The following CDH12 variants were observed in gnomAD, a reference collection of about 807,000 sequenced individuals.
CDH12 encodes the protein cadherin-12.
CDH12 carries 41 observed loss-of-function variants against 74.1 expected under a neutral mutation model. The observed-to-expected ratio is 0.55, with a 90% CI of 0.43 to 0.72. The LOEUF (loss-of-function observed/expected upper bound fraction) is 0.72, where lower values mean the gene tolerates loss of function less well. CDH12 is among the 30% of genes least tolerant of loss of function. CDH12 has a pLI of 0.00. For synonymous variants in CDH12, 399 were observed against 355.0 expected (o/e 1.12, Z -1.39); for missense variants, 945 against 977.2 (o/e 0.97, Z 0.44).
intron 4 of CDH12, chr5:22,172,231 A>G (rs1749072812): frequency 6.6e-6 from 1 of 151,920 alleles, no homozygotes; most frequent in Non-Finnish European, 1.5e-5. Flanking sequence ...CATCTCTCCA[A>G]ACAAGACATC....
intron 2 of CDH12, among the ~76,000 whole-genome samples, chr5:22,499,954 T>C (rs956008501): frequency 2.6e-5 from 4 of 152,182 alleles, no homozygotes; most frequent in Non-Finnish European, 4.4e-5. Context: ...GATATTTATA[T>C]TAAACTGCAG....
In CDH12 at chr5:22,653,636, T is replaced by C. The variant is rs1228068552; in HGVS notation, c.-522-148272A>G. 2.0e-5 allele frequency among the ~76,000 whole-genome samples: 3 copies of C among 152,158 alleles called. No individual in the cohort carries two copies. The East Asian group carries it at 5.8e-4, about 29-fold the overall frequency. On this transcript the variant is annotated intron_variant, in intron 1 of 14. Transcript: ENST00000382254. ...CCCCTGGGGTACAGCAATAGTCTCC[T>C]AACATAGCGGCCCACTGGTAATGCA... is the stretch of plus-strand genomic sequence containing the variant.
At chr5:22,299,508 G>C (rs1186862476) in intron 3 of CDH12, among the ~76,000 whole-genome samples, 3 of 152,156 alleles carry the variant, frequency 2.0e-5, no homozygotes, top group Non-Finnish European at 2.9e-5. Flanking sequence ...GAAGTAGCAT[G>C]GTGTAGTGCA....
intron 2 of CDH12, among the ~76,000 whole-genome samples, chr5:22,462,511 T>C (rs921062661): frequency 1.2e-4 from 19 of 152,150 alleles, no homozygotes; most frequent in Non-Finnish European, 2.6e-4. Flanking sequence ...TCAAACTAAC[T>C]ACCTGGGTGG....
intron 1 of CDH12, among the ~76,000 whole-genome samples, chr5:22,672,104 ATTATATATAAATATATATTATT>A (rs1209226270): frequency 4.9e-5 from 3 of 61,422 alleles, no homozygotes. Flanking sequence ...ATAATATATT[ATTATATATAAATATATATTATT>A]TTATATATAA....
chr5:22,223,667 G>A (rs997104471), intron 3 of CDH12, among the ~76,000 whole-genome samples: 3 of 151,962 alleles, frequency 2.0e-5, no homozygotes, highest in African/African-American at 4.8e-5. Context: ...GCCCACCTAA[G>A]CCTCCATGCA....
At position 22,173,125 on chromosome 5, in the gene CDH12, C is replaced by T. The variant is rs935036972; in HGVS notation, c.-187+39373G>A. ...TCCGTAATACATCATTTACATTTTG[C>T]TTTATTGATTTTCATTTAGCATAAT... On this transcript the variant is annotated intron_variant, in intron 4 of 14. Coordinates refer to ENST00000382254, the MANE Select transcript of CDH12 (RefSeq NM_004061.5). 3.1e-4 allele frequency among the ~76,000 whole-genome samples: 47 copies of T among 151,006 alleles called. 1 individual carries two copies. Among genetic ancestry groups the T allele is most frequent in the Non-Finnish European group, 6.1e-4 (41 of 67,620 alleles).
chr5:22,706,104 A>G (rs1742995155), intron 1 of CDH12, among the ~76,000 whole-genome samples: 1 of 152,110 alleles, frequency 6.6e-6, no homozygotes, highest in Admixed American at 6.6e-5. Flanking sequence ...AGAAGAAATC[A>G]CTTTACAGAT....
At chr5:22,349,534 C>T (rs1740266085) in intron 3 of CDH12, among the ~76,000 whole-genome samples, 1 of 152,104 alleles carries the variant, frequency 6.6e-6, no homozygotes, top group Admixed American at 6.5e-5. Context: ...CCCTCTTTCC[C>T]AATTCGGAAT....
chr5:22,316,801 T>G (rs1738651351), intron 3 of CDH12, among the ~76,000 whole-genome samples: 1 of 152,156 alleles, frequency 6.6e-6, no homozygotes, highest in Non-Finnish European at 1.5e-5. Context: ...TAATGATATA[T>G]ATTTATATTC....
chr5:21,887,041 T>C (rs190237348), intron 6 of CDH12, among the ~76,000 whole-genome samples: 22 of 152,296 alleles, frequency 1.4e-4, no homozygotes, highest in Admixed American at 9.2e-4. Context: ...ATTTTATCAA[T>C]ATCCATATTT....
intron 4 of CDH12, among the ~76,000 whole-genome samples, chr5:22,174,280 C>A (rs1264298245): frequency 1.3e-5 from 2 of 151,936 alleles, no homozygotes; most frequent in South Asian, 4.1e-4. Flanking sequence ...GTACCTTGCA[C>A]AGTACCTTGA....
At chr5:22,087,732 A>C (rs1743165231) in intron 4 of CDH12, among the ~76,000 whole-genome samples, 1 of 152,218 alleles carries the variant, frequency 6.6e-6, no homozygotes, top group African/African-American at 2.4e-5. Context: ...AAAATTCAAG[A>C]TCTCCATTTT....
At chr5:22,356,384 A>C (rs1488576504) in intron 3 of CDH12, among the ~76,000 whole-genome samples, 2 of 152,180 alleles carry the variant, frequency 1.3e-5, no homozygotes, top group East Asian at 3.9e-4. Flanking sequence ...TTGTCATTTG[A>C]AAATGTGTTA....
chr5:22,439,112 T>C (rs1744521058), intron 2 of CDH12, among the ~76,000 whole-genome samples: 1 of 151,802 alleles, frequency 6.6e-6, no homozygotes, highest in African/African-American at 2.4e-5. Flanking sequence ...CAAAGGGAAA[T>C]AATACAAAAC....
intron 1 of CDH12, among the ~76,000 whole-genome samples, chr5:22,794,139 C>T (rs1748063207): frequency 6.6e-6 from 1 of 152,140 alleles, no homozygotes; most frequent in Admixed American, 6.5e-5. Context: ...TACTGAAAAG[C>T]TCATATGTCC....
intron 1 of CDH12, among the ~76,000 whole-genome samples, chr5:22,795,118 G>A (rs1748123270): frequency 6.6e-6 from 1 of 152,032 alleles, no homozygotes; most frequent in African/African-American, 2.4e-5. Flanking sequence ...ATTCAAACAA[G>A]GCTCTTTTGG....
chr5:22,749,820 C>G (rs1745472449), intron 1 of CDH12, among the ~76,000 whole-genome samples: 1 of 152,214 alleles, frequency 6.6e-6, no homozygotes, highest in Non-Finnish European at 1.5e-5. Context: ...CTACAACCTG[C>G]ATGCGTCCTA....
At chr5:22,743,278 ATATGTATATATATGTATATG>A (rs1745124591) in intron 1 of CDH12, among the ~76,000 whole-genome samples, 1 of 138,810 alleles carries the variant, frequency 7.2e-6, no homozygotes, top group Non-Finnish European at 1.6e-5. Flanking sequence ...ATATATATAT[ATATGTATATATATGTATATG>A]TATATATATG....
Sources: allele counts gnomAD v4.1 joint callset (sites outside exome capture counted in the v4.1 genomes callset), GRCh38; gene constraint gnomAD v4.1.1; transcripts MANE v1.5; gene names NCBI Gene and HGNC (gene_info 2026-07-23, HGNC 2026-07-21).